Variants in B3GALT1 observed in about 807,000 individuals in gnomAD.
B3GALT1 encodes the protein beta-1,3-galactosyltransferase 1.
In B3GALT1, 10 loss-of-function variants were observed where a neutral mutation model predicts 23.2. The observed-to-expected ratio is 0.43, with a 90% CI of 0.27 to 0.73. B3GALT1 has a LOEUF of 0.73. B3GALT1 is among the 30% of genes least tolerant of loss of function. The pLI is 0.21. For synonymous variants in B3GALT1, 156 were observed against 141.5 expected (o/e 1.10, Z -0.73); for missense variants, 299 against 405.4 (o/e 0.74, Z 2.25).
At chr2:167,392,704 T>G (rs1261590266) in intron 1 of B3GALT1, among the ~76,000 whole-genome samples, 5 of 152,186 alleles carry the variant, frequency 3.3e-5, no homozygotes. Context: ...TCAGTGTTTT[T>G]GGGGAAAAAA....
At chr2:167,568,334 A>G (rs1008199862) in intron 2 of B3GALT1, among the ~76,000 whole-genome samples, 12 of 152,084 alleles carry the variant, frequency 7.9e-5, no homozygotes, top group Non-Finnish European at 1.0e-4. Context: ...CAAAGTACCT[A>G]TACCATTCTG....
Position 167,512,331 on chromosome 2 carries a change from A to T in B3GALT1, c.-410+22054A>T, listed in dbSNP as rs1364718027. On this transcript the variant is annotated intron_variant, in intron 2 of 4. Coordinates refer to ENST00000392690, the MANE Select transcript of B3GALT1 (RefSeq NM_020981.4). ...ACATTTTGAATTTTGTCAAATTCTT[A>T]TATGTCTATTGAGATTATCCTATTT... Among the ~76,000 whole-genome samples, 22 of 151,288 alleles carry T rather than the reference A, an allele frequency of 1.5e-4. No individual in the cohort carries two copies. In the Admixed American group the frequency reaches 1.5e-3, roughly 10 times the overall value.
chr2:167,585,287 T>C (rs971379483), intron 2 of B3GALT1, among the ~76,000 whole-genome samples: 1 of 152,196 alleles, frequency 6.6e-6, no homozygotes, highest in African/African-American at 2.4e-5. Flanking sequence ...AGTACCTATA[T>C]TCAGGATGGA....
At chr2:167,588,337 A>G (rs1684614893) in intron 2 of B3GALT1, among the ~76,000 whole-genome samples, 1 of 152,266 alleles carries the variant, frequency 6.6e-6, no homozygotes, top group Admixed American at 6.5e-5. Context: ...TAATTAAAGC[A>G]AAAGGAAAAA....
chr2:167,547,801 C>G (rs1300217846), intron 2 of B3GALT1, among the ~76,000 whole-genome samples: 2 of 151,968 alleles, frequency 1.3e-5, no homozygotes, highest in Admixed American at 6.6e-5. Flanking sequence ...GGCTAGCTGC[C>G]AAAAAGAATT....
intron 2 of B3GALT1, among the ~76,000 whole-genome samples, chr2:167,625,942 C>CATATATATGTATATAT (rs1685333354): frequency 8.4e-6 from 1 of 118,412 alleles, no homozygotes; most frequent in Non-Finnish European, 1.6e-5. Context: ...ATGACTAGGC[C>CATATATATGTATATAT]ATATATATAT....
At chr2:167,356,400 G>A (rs1283020496) in intron 1 of B3GALT1, among the ~76,000 whole-genome samples, 1 of 152,148 alleles carries the variant, frequency 6.6e-6, no homozygotes, top group Non-Finnish European at 1.5e-5. Context: ...TTGTTGTCTT[G>A]AAACTGTAGC....
chr2:167,734,563 G>A (rs6750886), intron 3 of B3GALT1, among the ~76,000 whole-genome samples: 148,638 of 152,302 alleles, frequency 0.98, 72,644 homozygotes, highest in East Asian at 1. Context: ...GCCATGATCC[G>A]TTTGCTCCTG....
At chr2:167,358,206 G>A (rs572000741) in intron 1 of B3GALT1, among the ~76,000 whole-genome samples, 66 of 152,292 alleles carry the variant, frequency 4.3e-4, no homozygotes, top group African/African-American at 1.5e-3. Context: ...CAAAGGTCAA[G>A]GCAGAAAAAC....
At chr2:167,551,323 C>CGGAAGATGAGCTAGGAGGCAT (rs1683741257) in intron 2 of B3GALT1, among the ~76,000 whole-genome samples, 1 of 152,078 alleles carries the variant, frequency 6.6e-6, no homozygotes, top group Non-Finnish European at 1.5e-5. Flanking sequence ...TTTGATTGAG[C>CGGAAGATGAGCTAGGAGGCAT]TGGTGGAAGA....
chr2:167,527,920 T>A (rs1423081328), intron 2 of B3GALT1, among the ~76,000 whole-genome samples: 1 of 152,186 alleles, frequency 6.6e-6, no homozygotes, highest in Admixed American at 6.6e-5. Context: ...AGAATTGTTT[T>A]TCAAGAAGGG....
chr2:167,317,538 T>C (rs1161496735), intron 1 of B3GALT1, among the ~76,000 whole-genome samples: 1 of 152,130 alleles, frequency 6.6e-6, no homozygotes, highest in Non-Finnish European at 1.5e-5. Context: ...TAGTCACTTA[T>C]CTGATTTCCA....
intron 2 of B3GALT1, among the ~76,000 whole-genome samples, chr2:167,622,271 C>T (rs1685273162): frequency 6.6e-6 from 1 of 151,942 alleles, no homozygotes. Context: ...GGCCAAAGAA[C>T]CCTGAGTCTG....
intron 1 of B3GALT1, among the ~76,000 whole-genome samples, chr2:167,296,346 G>T (rs1696349561): frequency 6.6e-6 from 1 of 152,182 alleles, no homozygotes; most frequent in Non-Finnish European, 1.5e-5. Context: ...AGAAAGTGAG[G>T]TTTATAGCGA....
chr2:167,512,911 T>C (rs1489103757), intron 2 of B3GALT1, among the ~76,000 whole-genome samples: 1 of 148,704 alleles, frequency 6.7e-6, no homozygotes, highest in East Asian at 2.0e-4. Context: ...CCCAAAGTGC[T>C]GGGATTACAA....
intron 1 of B3GALT1, among the ~76,000 whole-genome samples, chr2:167,474,293 G>C (rs1170202672): frequency 6.6e-6 from 1 of 152,140 alleles, no homozygotes. Context: ...GTAAAGAAAT[G>C]ATGATTGGAT....
intron 3 of B3GALT1, among the ~76,000 whole-genome samples, chr2:167,749,834 T>A (rs1047075091): frequency 3.9e-5 from 6 of 152,250 alleles, no homozygotes; most frequent in African/African-American, 1.4e-4. Flanking sequence ...TTTGATTATG[T>A]TTAATAAGCT....
intron 2 of B3GALT1, among the ~76,000 whole-genome samples, chr2:167,556,905 G>T (rs1173638623): frequency 2.0e-5 from 3 of 152,194 alleles, no homozygotes; most frequent in African/African-American, 7.2e-5. Flanking sequence ...GGTAGGTAAT[G>T]TTATGTCTGT....
Position 167,758,466 on chromosome 2 carries a change from C to T in B3GALT1, c.-351-60206C>T, listed in dbSNP as rs149586809. ...AAGGAAGGAAGCCCAGGAATGGGCTCGGCAATTTGCATCCTAATGGGTCAT... is the reference window on the plus strand; with the variant it reads ...AAGGAAGGAAGCCCAGGAATGGGCTTGGCAATTTGCATCCTAATGGGTCAT... On this transcript the variant is annotated intron_variant, in intron 3 of 4. Coordinates refer to ENST00000392690, the MANE Select transcript of B3GALT1 (RefSeq NM_020981.4). Among the ~76,000 whole-genome samples, 108 of 152,230 alleles carry T rather than the reference C, an allele frequency of 7.1e-4. 1 individual carries two copies. The highest frequency in any genetic ancestry group is 1.4e-3 in the Admixed American group (21 of 15,292).
Sources: gnomAD v4.1 joint callset for allele counts (sites outside exome capture counted in the v4.1 genomes callset) on GRCh38, gnomAD v4.1.1 for gene constraint, MANE v1.5 for transcripts, NCBI Gene and HGNC (gene_info 2026-07-23, HGNC 2026-07-21) for gene names.